The following CCDC144A variants were observed in gnomAD, a reference collection of about 807,000 sequenced individuals.
The protein encoded by CCDC144A is coiled-coil domain containing 144A.
A neutral mutation model predicts 143.8 loss-of-function variants in CCDC144A; 41 were observed. The ratio of observed to expected loss-of-function variants is 0.29; its 90% CI spans 0.22 to 0.37. The LOEUF (loss-of-function observed/expected upper bound fraction) is 0.37. Among genes scored for constraint, CCDC144A ranks in the 10% least tolerant of loss-of-function variants. The probability of loss-of-function intolerance (pLI) is 1.00; values close to 1 mark genes in which losing one functional copy is unlikely to be tolerated. For synonymous variants in CCDC144A, 242 were observed against 517.9 expected, an observed-to-expected ratio of 0.47 and a Z score of 7.23; for missense variants, 637 against 1,488.8, an observed-to-expected ratio of 0.43 and a Z score of 9.41.
intron 12 of CCDC144A, chr17:16,746,517 A>G: frequency 6.2e-7 from 1 of 1,613,700 alleles, no homozygotes. Context: ...TCCACACAGT[A>G]GGTTTCTAAA....
intron 15 of CCDC144A, among the ~76,000 whole-genome samples, chr17:16,767,513 G>C (rs529917561): frequency 1.8e-3 from 273 of 151,664 alleles, no homozygotes; most frequent in African/African-American, 6.4e-3. Flanking sequence ...AAAAAGGTAG[G>C]GGGTGGGGTG....
rs1056293539 is a variant in CCDC144A at position 16,775,857 on chromosome 17, A to T, written c.*2224A>T. ...TTTTGGGTTGTAGATTTAAGTCTTT[A>T]ATCCATCTTGAGTTAACTTTTGTAT... On this transcript the variant is annotated 3_prime_UTR_variant, in exon 17 of 17. Transcript: ENST00000399273. 3.3e-5 allele frequency: 5 copies of T among 152,230 alleles called. No individual in the cohort carries two copies. Among genetic ancestry groups the T allele is most frequent in the African/African-American group, 1.2e-4 (5 of 41,442 alleles). 9.4% of individuals were successfully genotyped at this position (152,230 alleles called of 1,614,324 possible).
At chr17:16,718,935 G>A (rs1912929942) in intron 6 of CCDC144A, among the ~76,000 whole-genome samples, 1 of 129,776 alleles carries the variant, frequency 7.7e-6, no homozygotes, top group East Asian at 2.1e-4. Context: ...AGGTTCAGGC[G>A]ATTCTCCTGT....
rs186732268 is a variant in CCDC144A at position 16,766,719 on chromosome 17, G to A, written c.4098+2544G>A. 5.6e-3 allele frequency among the ~76,000 whole-genome samples: 847 copies of A among 152,188 alleles called. 7 individuals are homozygous for A. Among genetic ancestry groups the A allele is most frequent in the African/African-American group, 0.019 (801 of 41,476 alleles). ...TGCGCTGCTGCACTCCAACCTGGGC[G>A]ACAGAGCAAGACTCCATCTCATGGG... On this transcript the variant is annotated intron_variant, in intron 15 of 16. Transcript: ENST00000399273.
intron 12 of CCDC144A, among the ~76,000 whole-genome samples, chr17:16,743,211 A>G (rs2143282750): frequency 6.6e-6 from 1 of 152,168 alleles, no homozygotes; most frequent in African/African-American, 2.4e-5. Context: ...TAGTAGTTTT[A>G]TAATTTTGGA....
In CCDC144A at chr17:16,734,722, C is replaced by T. The variant is rs1200321874; in HGVS notation, c.2451C>T (p.Leu817=). ...ISHRHQKEKD[L]FHEDCMLQEE... ...ATAGGCATCAGAAAGAAAAGGATCT[C>T]TTTCATGAAGATTGCATGTTGCAGG... is the stretch of plus-strand genomic sequence containing the variant. The change falls in exon 12 of 17, where the codon CTC becomes CTT. Residue 817 remains leucine, a synonymous_variant. Transcript: ENST00000399273. The T allele has an allele frequency of 6.3e-7, 1 of 1,592,664 alleles. No homozygotes were observed. The highest frequency in any genetic ancestry group is 1.4e-5 in the African/African-American group (1 of 73,886).
At chr17:16,767,762 A>G (rs866966140) in intron 15 of CCDC144A, among the ~76,000 whole-genome samples, 22 of 152,260 alleles carry the variant, frequency 1.4e-4, no homozygotes, top group African/African-American at 5.3e-4. Flanking sequence ...GAAATCACAC[A>G]CCAGAGAAAT....
At chr17:16,717,331 C>T (rs2621593) in intron 6 of CCDC144A, among the ~76,000 whole-genome samples, 2 of 151,634 alleles carry the variant, frequency 1.3e-5, no homozygotes, top group Admixed American at 1.3e-4. Flanking sequence ...AGGATGGTCT[C>T]GATCTATTGA....
At chr17:16,681,010 C>A in the CCDC144A span, among the ~76,000 whole-genome samples, 1 of 151,852 alleles carries the variant, frequency 6.6e-6, no homozygotes, top group Non-Finnish European at 1.5e-5. Context: ...ATTTGACAAG[C>A]CATTCAGTGG....
intron 6 of CCDC144A, among the ~76,000 whole-genome samples, chr17:16,713,194 T>C (rs1203374357): frequency 6.6e-6 from 1 of 152,042 alleles, no homozygotes; most frequent in Non-Finnish European, 1.5e-5. Context: ...TTGTGAATTA[T>C]AAAGGGCATA....
chr17:16,716,324 T>C (rs1195699695), intron 6 of CCDC144A, among the ~76,000 whole-genome samples: 1 of 152,048 alleles, frequency 6.6e-6, no homozygotes, highest in Non-Finnish European at 1.5e-5. Context: ...GGGAAATGTT[T>C]GTCTCTTTGT....
chr17:16,699,109 A>G (rs1313190763), intron 2 of CCDC144A, among the ~76,000 whole-genome samples: 3 of 151,764 alleles, frequency 2.0e-5, no homozygotes, highest in East Asian at 1.9e-4. Context: ...CAATGACACA[A>G]TGATGATGGT....
At chr17:16,682,630 A>G in the CCDC144A span, among the ~76,000 whole-genome samples, 1 of 152,074 alleles carries the variant, frequency 6.6e-6, no homozygotes, top group Non-Finnish European at 1.5e-5. Flanking sequence ...GGTAATTATA[A>G]AAAATGTCAG....
chr17:16,758,913 G>A (rs1463115390), intron 12 of CCDC144A, among the ~76,000 whole-genome samples: 6 of 152,262 alleles, frequency 3.9e-5, no homozygotes, highest in African/African-American at 1.4e-4. Flanking sequence ...TTTGAGATAA[G>A]CACTTCACCT....
At chr17:16,756,657 A>C (rs1325173530) in intron 12 of CCDC144A, among the ~76,000 whole-genome samples, 1 of 150,386 alleles carries the variant, frequency 6.6e-6, no homozygotes, top group East Asian at 2.0e-4. Flanking sequence ...CTGTTACTGG[A>C]GAATTACTCT....
chr17:16,667,347 A>T, the CCDC144A span, among the ~76,000 whole-genome samples: 5 of 119,726 alleles, frequency 4.2e-5, no homozygotes, highest in Non-Finnish European at 8.9e-5. Context: ...GCGGCTGAGG[A>T]GCTGAGGGGC....
At position 16,743,482 on chromosome 17, in the gene CCDC144A, T is replaced by C. The variant is rs1490351801; in HGVS notation, c.3372+7839T>C. Among the ~76,000 whole-genome samples, 5 of 152,144 alleles carry C rather than the reference T, an allele frequency of 3.3e-5. No homozygotes were observed. In the East Asian group the frequency reaches 9.6e-4, roughly 29 times the overall value. On this transcript the variant is annotated intron_variant, in intron 12 of 16. Coordinates refer to ENST00000399273, the MANE Select transcript of CCDC144A (RefSeq NM_001382000.1). ...TTATACCAAGACCTTGCTCTTTTGG[T>C]TACTGTAACCTTGTAATATATTTTG...
At chr17:16,758,749 G>C (rs2656402) in intron 12 of CCDC144A, among the ~76,000 whole-genome samples, 1 of 152,126 alleles carries the variant, frequency 6.6e-6, no homozygotes, top group Admixed American at 6.5e-5. Flanking sequence ...CCCTGTAGAA[G>C]CTCTTAGGTC....
intron 12 of CCDC144A, among the ~76,000 whole-genome samples, chr17:16,755,306 C>A (rs1437771429): frequency 6.6e-6 from 1 of 152,174 alleles, no homozygotes. Context: ...ATCATTTGTT[C>A]CTATCTTCCT....
Sources: gnomAD v4.1 joint callset for allele counts (sites outside exome capture counted in the v4.1 genomes callset) on GRCh38, gnomAD v4.1.1 for gene constraint, MANE v1.5 for transcripts, NCBI Gene and HGNC (gene_info 2026-07-23, HGNC 2026-07-21) for gene names.